Variants in LRRK1 observed in about 807,000 individuals in gnomAD.
LRRK1 encodes the protein leucine-rich repeat serine/threonine-protein kinase 1.
In LRRK1, 113 loss-of-function variants were observed where a neutral mutation model predicts 209.1. That is an observed-to-expected ratio of 0.54 (90% CI 0.46 to 0.63). LRRK1 has a LOEUF of 0.63. LRRK1 is among the 30% of genes least tolerant of loss of function. The pLI is 0.00. For missense variants in LRRK1, 2,284 were observed against 2,632.2 expected (o/e 0.87, Z 2.89); for synonymous variants, 1,144 against 1,099.7 (o/e 1.04, Z -0.80).
At chr15:100,945,869 C>T (rs902606859) in intron 2 of LRRK1, among the ~76,000 whole-genome samples, 6 of 152,164 alleles carry the variant, frequency 3.9e-5, no homozygotes, top group Admixed American at 2.0e-4. Context: ...AGTGTCGGCA[C>T]GGTATCTATT....
intron 12 of LRRK1, among the ~76,000 whole-genome samples, chr15:101,017,231 G>A (rs751172550): frequency 6.6e-6 from 1 of 152,186 alleles, no homozygotes; most frequent in Non-Finnish European, 1.5e-5. Context: ...ACGCCACAGA[G>A]GCCAGGACAC....
chr15:101,037,169 G>A (rs2141112567), intron 20 of LRRK1, among the ~76,000 whole-genome samples: 1 of 152,310 alleles, frequency 6.6e-6, no homozygotes, highest in South Asian at 2.1e-4. Flanking sequence ...CTGGCATGGT[G>A]TGGGTAATGG....
intron 27 of LRRK1, 137 bp from the exon 28 acceptor site, chr15:101,056,719 A>G (rs1478837542): frequency 1.6e-6 from 1 of 609,694 alleles, no homozygotes; most frequent in African/African-American, 1.9e-5. Context: ...AAATGGATAG[A>G]GGGACATGGT....
At chr15:101,015,481 C>A in intron 12 of LRRK1, 79 bp downstream of exon 12, 1 of 1,098,720 alleles carries the variant, frequency 9.1e-7, no homozygotes, top group Non-Finnish European at 1.4e-6. Context: ...AAGTGGGGAT[C>A]GCCCTTATCT....
intron 33 of LRRK1, among the ~76,000 whole-genome samples, chr15:101,068,416 T>A (rs2036652713): frequency 6.6e-6 from 1 of 152,148 alleles, no homozygotes; most frequent in African/African-American, 2.4e-5. Flanking sequence ...CCAGGGAGTC[T>A]GACTCTTACA....
rs1281760625 is a variant in LRRK1, at chr15:101,054,988, T to C, written c.4097T>C (p.Ile1366Thr). 6.2e-7 allele frequency: 1 copy of C among 1,613,670 alleles called. No homozygotes were observed. Among genetic ancestry groups the C allele is most frequent in the African/African-American group, 1.3e-5 (1 of 74,884 alleles). ...IPLGHMLTQK[I>T]AYQIASGLAY... ...CTGGGACACATGCTCACCCAAAAAA[T>C]AGCCTACCAGATCGCCTCGGGCCTG... Residue 1366 changes from isoleucine to threonine, a missense_variant, in exon 27 of 34, where the codon ATA becomes ACA. Ile to Thr is a moderately conservative substitution (Grantham distance 89). Transcript: ENST00000388948.
intron 2 of LRRK1, among the ~76,000 whole-genome samples, chr15:100,956,032 A>C (rs1208494374): frequency 1.3e-5 from 2 of 152,134 alleles, no homozygotes; most frequent in Non-Finnish European, 2.9e-5. Context: ...TATTGTCTTC[A>C]ATATTTGGAA....
intron 2 of LRRK1, among the ~76,000 whole-genome samples, chr15:100,968,092 T>C (rs2030591013): frequency 6.6e-6 from 1 of 152,226 alleles, no homozygotes; most frequent in Admixed American, 6.5e-5. Flanking sequence ...TTTTTTTCAC[T>C]ATATCTTAGA....
intron 21 of LRRK1, 138 bp downstream of exon 21, chr15:101,046,290 CA>C (rs2035073047): frequency 1.1e-5 from 11 of 995,030 alleles, no homozygotes; most frequent in Admixed American, 8.7e-5. Flanking sequence ...AATGTAGTGC[CA>C]GGGGGCAGGT....
At chr15:100,988,867 T>A in intron 5 of LRRK1, 54 bp downstream of exon 5, 1 of 1,421,632 alleles carries the variant, frequency 7.0e-7, no homozygotes, top group Non-Finnish European at 9.6e-7. Flanking sequence ...CATCTCAGCC[T>A]CCAGATGTGG....
intron 17 of LRRK1, among the ~76,000 whole-genome samples, chr15:101,026,603 A>G (rs1448429887): frequency 6.6e-6 from 1 of 152,240 alleles, no homozygotes; most frequent in Non-Finnish European, 1.5e-5. Context: ...ACGTGTCCAT[A>G]CAGATAAGTC....
intron 4 of LRRK1, among the ~76,000 whole-genome samples, chr15:100,986,505 T>C (rs955631618): frequency 2.0e-5 from 3 of 152,222 alleles, no homozygotes; most frequent in African/African-American, 7.2e-5. Context: ...GCCAGGTGTG[T>C]CCCACAGACC....
At chr15:101,039,596 A>G (rs2034648306) in intron 20 of LRRK1, among the ~76,000 whole-genome samples, 2 of 152,058 alleles carry the variant, frequency 1.3e-5, no homozygotes, top group South Asian at 4.1e-4. Flanking sequence ...GCCTGATTGC[A>G]TTGGCTCGGA....
At chr15:101,040,920 A>G (rs1179016158) in intron 20 of LRRK1, among the ~76,000 whole-genome samples, 2 of 152,226 alleles carry the variant, frequency 1.3e-5, no homozygotes, top group Non-Finnish European at 2.9e-5. Flanking sequence ...ATTAGCTCAG[A>G]GTGGTAAACA....
At position 101,021,847 on chromosome 15, in the gene LRRK1, A is replaced by C; in HGVS notation, c.1742A>C (p.Asn581Thr). The part of the protein sequence containing the change: ...KSLSELYLGN[N>T]PGLRELPPEL... Reference sequence around the variant, plus strand: ...GTGGTGGACACATCTGTCTTCAGCAACCCTGGCCTCCGGGAGCTCCCTCCT... The same window carrying C: ...GTGGTGGACACATCTGTCTTCAGCACCCCTGGCCTCCGGGAGCTCCCTCCT... Residue 581 changes from asparagine (N) to threonine (T), a missense_variant and splice_region_variant, in exon 14 of 34, where the codon AAC (asparagine) becomes ACC (threonine). By Grantham distance (65) the Asn-to-Thr change is moderately conservative. This residue lies in a region of LRRK1 where 494 missense variants were observed against 522.1 expected (regional missense o/e 0.95). Coordinates refer to ENST00000388948, the MANE Select transcript of LRRK1 (RefSeq NM_024652.6). The C allele has an allele frequency of 6.2e-7, 1 of 1,611,094 alleles. No homozygotes were observed. The highest frequency in any genetic ancestry group is 8.5e-7 in the Non-Finnish European group (1 of 1,177,858).
intron 2 of LRRK1, among the ~76,000 whole-genome samples, chr15:100,926,688 T>C (rs969549726): frequency 7.3e-5 from 10 of 136,132 alleles, no homozygotes; most frequent in South Asian, 2.5e-4. Flanking sequence ...TTCTTTTTTT[T>C]TTTTTTTTTT....
At chr15:101,019,906 C>G (rs996372064) in intron 12 of LRRK1, among the ~76,000 whole-genome samples, 3 of 152,156 alleles carry the variant, frequency 2.0e-5, no homozygotes, top group Non-Finnish European at 4.4e-5. Context: ...CTCAAATGCT[C>G]TGGTGCCCGT....
chr15:100,935,976 G>A (rs982495281), intron 2 of LRRK1, among the ~76,000 whole-genome samples: 1 of 152,292 alleles, frequency 6.6e-6, no homozygotes, highest in Non-Finnish European at 1.5e-5. Flanking sequence ...GGCCTCCCAA[G>A]GCATAGGCCT....
intron 6 of LRRK1, among the ~76,000 whole-genome samples, chr15:101,006,926 C>T (rs2032986089): frequency 1.3e-5 from 2 of 152,224 alleles, no homozygotes; most frequent in South Asian, 2.1e-4. Context: ...AATTGAGTGA[C>T]TTGTCTTAAA....
Sources: allele counts gnomAD v4.1 joint callset (sites outside exome capture counted in the v4.1 genomes callset), GRCh38; gene constraint gnomAD v4.1.1; regional missense constraint gnomAD v4.1.1; transcripts MANE v1.5; gene names NCBI Gene and HGNC (gene_info 2026-07-23, HGNC 2026-07-21).